FNBP1L: variants seen among roughly 807,000 people sequenced by gnomAD.
The protein encoded by FNBP1L is formin-binding protein 1-like.
Under a neutral mutation model 91.2 loss-of-function variants are expected in FNBP1L, and 36 were observed. The ratio of observed to expected loss-of-function variants is 0.39; its 90% confidence interval spans 0.30 to 0.52. The LOEUF is 0.52. Among genes scored for constraint, FNBP1L ranks in the 20% least tolerant of loss-of-function variants. The pLI, the probability that FNBP1L is intolerant of heterozygous loss-of-function variation, is 0.66. For missense variants in FNBP1L, 571 were observed against 732.1 expected (o/e 0.78, Z 2.54); for synonymous variants, 242 against 237.0 (o/e 1.02, Z -0.19).
chr1:93,479,916 TTTAAGAGA>T (rs1416637656), intron 1 of FNBP1L, among the ~76,000 whole-genome samples: 2 of 152,090 alleles, frequency 1.3e-5, no homozygotes, highest in Non-Finnish European at 2.9e-5. Flanking sequence ...AGATAACAGG[TTTAAGAGA>T]TTAAAGTAAG....
Position 93,547,454 on chromosome 1 carries a change from A to G in FNBP1L, c.1502+13A>G, listed in dbSNP as rs1449794302. ...AGGGACGAGAAAGGTGATTTTTTGT[A>G]TTTTATTTGTATTTCTTCTCCCCAG... On this transcript the variant is annotated intron_variant, in intron 14 of 16. Transcript: ENST00000271234. 6.5e-7 allele frequency: 1 copy of G among 1,544,302 alleles called. No homozygotes were observed. Among genetic ancestry groups the G allele is most frequent in the Non-Finnish European group, 8.8e-7 (1 of 1,141,324 alleles).
intron 8 of FNBP1L, among the ~76,000 whole-genome samples, chr1:93,533,455 A>G (rs1329979037): frequency 6.6e-6 from 1 of 152,142 alleles, no homozygotes; most frequent in Non-Finnish European, 1.5e-5. Flanking sequence ...TAGCATATGG[A>G]GTGATGACCA....
intron 1 of FNBP1L, among the ~76,000 whole-genome samples, chr1:93,480,068 T>C (rs1350860932): frequency 6.6e-6 from 1 of 152,210 alleles, no homozygotes; most frequent in Non-Finnish European, 1.5e-5. Flanking sequence ...AAGTGATAAA[T>C]GTTCATGAAA....
At chr1:93,521,499 C>G (rs1671327161) in intron 2 of FNBP1L, among the ~76,000 whole-genome samples, 1 of 152,100 alleles carries the variant, frequency 6.6e-6, no homozygotes, top group Non-Finnish European at 1.5e-5. Context: ...GTTCCCAGAC[C>G]CATGAATACC....
chr1:93,487,461 C>G (rs922073508), intron 1 of FNBP1L, among the ~76,000 whole-genome samples: 7 of 152,166 alleles, frequency 4.6e-5, no homozygotes, highest in Non-Finnish European at 7.4e-5. Context: ...TGTTTGGCAT[C>G]TCATTTTTCA....
intron 1 of FNBP1L, among the ~76,000 whole-genome samples, chr1:93,468,644 T>G (rs1243939175): frequency 6.6e-6 from 1 of 152,176 alleles, no homozygotes; most frequent in Non-Finnish European, 1.5e-5. Flanking sequence ...TTGCCCAGGC[T>G]GGTCTTAAAC....
At chr1:93,454,768 T>C (rs747851866) in intron 1 of FNBP1L, among the ~76,000 whole-genome samples, 1 of 152,110 alleles carries the variant, frequency 6.6e-6, no homozygotes, top group Non-Finnish European at 1.5e-5. Flanking sequence ...ATAATACAGA[T>C]CTAAAAACAA....
chr1:93,487,203 A>T (rs988883304), intron 1 of FNBP1L, among the ~76,000 whole-genome samples: 3 of 152,052 alleles, frequency 2.0e-5, no homozygotes, highest in Non-Finnish European at 2.9e-5. Flanking sequence ...TACATTATTC[A>T]TTTGGCTTCT....
At chr1:93,456,960 C>T (rs970585181) in intron 1 of FNBP1L, among the ~76,000 whole-genome samples, 3 of 152,136 alleles carry the variant, frequency 2.0e-5, no homozygotes, top group African/African-American at 7.2e-5. Context: ...GCCATCACAG[C>T]TTACTGCAGC....
At chr1:93,510,903 G>A (rs1670812502) in intron 2 of FNBP1L, among the ~76,000 whole-genome samples, 1 of 152,082 alleles carries the variant, frequency 6.6e-6, no homozygotes, top group Non-Finnish European at 1.5e-5. Flanking sequence ...GAAGTTTAGA[G>A]AAAATAGAAT....
chr1:93,459,213 A>G (rs1480062566), intron 1 of FNBP1L, among the ~76,000 whole-genome samples: 1 of 152,196 alleles, frequency 6.6e-6, no homozygotes, highest in Non-Finnish European at 1.5e-5. Flanking sequence ...GTGAGCTGAA[A>G]TCACGCCACT....
intron 10 of FNBP1L, among the ~76,000 whole-genome samples, chr1:93,538,451 C>A (rs761986998): frequency 3.3e-5 from 5 of 151,878 alleles, no homozygotes; most frequent in Non-Finnish European, 5.9e-5. Flanking sequence ...CTATACCACT[C>A]CAGAGAAGAA....
chr1:93,448,133 A>G lies in FNBP1L; in HGVS notation c.-149A>G. ...AGGCTTCTCCAGTCGCGTCTTTCTC[A>G]CTCACTGGGGAGCCCGGCGGTGGCG... On this transcript the variant is annotated 5_prime_UTR_variant, in exon 1 of 17. Transcript: ENST00000271234. 1 of 975,100 alleles carries G rather than the reference A, an allele frequency of 1.0e-6. No individual in the cohort carries two copies. The highest frequency in any genetic ancestry group is 1.8e-5 in the African/African-American group (1 of 57,064). 60.4% of individuals were successfully genotyped at this position (975,100 alleles called of 1,614,324 possible).
At chr1:93,472,063 C>T (rs1669306721) in intron 1 of FNBP1L, among the ~76,000 whole-genome samples, 1 of 152,108 alleles carries the variant, frequency 6.6e-6, no homozygotes, top group South Asian at 2.1e-4. Flanking sequence ...CAGTAACAAC[C>T]ATACTCCCTA....
At chr1:93,486,824 A>G (rs553458677) in intron 1 of FNBP1L, among the ~76,000 whole-genome samples, 13 of 152,338 alleles carry the variant, frequency 8.5e-5, no homozygotes, top group East Asian at 1.9e-4. Context: ...TGCTCCAGCA[A>G]TGAACACTGC....
At chr1:93,540,741 C>T (rs559630794) in intron 10 of FNBP1L, among the ~76,000 whole-genome samples, 5 of 151,398 alleles carry the variant, frequency 3.3e-5, no homozygotes, top group Admixed American at 6.6e-5. Context: ...AATCCACTTA[C>T]ATAAAATTCA....
rs1308776310 is a variant in FNBP1L, at chr1:93,471,521, G to GT, written c.24+23219dup. Among the ~76,000 whole-genome samples the GT allele has an allele frequency of 2.0e-5, 3 of 152,042 alleles. No homozygotes were observed. In the East Asian group the frequency reaches 5.8e-4, roughly 29 times the overall value. On this transcript the variant is annotated intron_variant, in intron 1 of 16. Coordinates refer to ENST00000271234, the MANE Select transcript of FNBP1L (RefSeq NM_001164473.3). ...AGCCTAGGCAACATTGCAAGACCCT[G>GT]TTTCCACAAAAAATACAAAAATTAG...
At chr1:93,535,024 A>G in intron 9 of FNBP1L, 116 bp downstream of exon 9, 7 of 824,442 alleles carry the variant, frequency 8.5e-6, no homozygotes, top group Non-Finnish European at 1.3e-5. Flanking sequence ...TTCAATTTGA[A>G]TGATTCAGTT....
chr1:93,482,515 G>A (rs1279838410), intron 1 of FNBP1L, among the ~76,000 whole-genome samples: 1 of 152,028 alleles, frequency 6.6e-6, no homozygotes, highest in Non-Finnish European at 1.5e-5. Flanking sequence ...AATAAGAATC[G>A]TTCTTGAAAT....
Sources: gnomAD v4.1 joint callset for allele counts (sites outside exome capture counted in the v4.1 genomes callset) on GRCh38, gnomAD v4.1.1 for gene constraint, MANE v1.5 for transcripts, NCBI Gene and HGNC (gene_info 2026-07-23, HGNC 2026-07-21) for gene names.